FERMT1: variants seen among roughly 807,000 people sequenced by gnomAD.
The protein encoded by FERMT1 is fermitin family homolog 1.
Under a neutral mutation model 85.3 loss-of-function variants are expected in FERMT1, and 60 were observed. That is an observed-to-expected ratio of 0.70 (90% CI 0.57 to 0.87). The LOEUF is 0.87. FERMT1 is among the 40% of genes least tolerant of loss of function. The pLI is 0.00. For missense variants in FERMT1, 701 were observed against 818.9 expected (o/e 0.86, Z 1.76); for synonymous variants, 275 against 301.1 (o/e 0.91, Z 0.90).
chr20:6,108,888 TCTC>T (rs1293666094), intron 5 of FERMT1, among the ~76,000 whole-genome samples: 1 of 151,914 alleles, frequency 6.6e-6, no homozygotes, highest in Non-Finnish European at 1.5e-5. Context: ...CTGCACCACT[TCTC>T]CTTTTACCAG....
Position 6,104,117 on chromosome 20 carries a change from C to T in FERMT1, c.849+3415G>A, listed in dbSNP as rs1398891429. On this transcript the variant is annotated intron_variant, in intron 6 of 14. Coordinates refer to ENST00000217289, the MANE Select transcript of FERMT1 (RefSeq NM_017671.5). The surrounding 1 kb of genome is among the most constrained non-coding windows in gnomAD (Gnocchi z 4.2). ...AACTTCTAACCTCAGGCGATCCACC[C>T]GCCTCAGCCTCCCAAAGTACTGTGA... Among the ~76,000 whole-genome samples the T allele has an allele frequency of 1.3e-5, 2 of 152,046 alleles. No homozygotes were observed. Among genetic ancestry groups the T allele is most frequent in the African/African-American group, 2.4e-5 (1 of 41,392 alleles).
At chr20:6,118,387 T>C (rs1413222078) in intron 2 of FERMT1, among the ~76,000 whole-genome samples, 3 of 148,486 alleles carry the variant, frequency 2.0e-5, no homozygotes, top group Non-Finnish European at 4.5e-5. Flanking sequence ...TAGTGGTGAC[T>C]GGGAGGGGTC....
At chr20:6,084,190 T>C in intron 12 of FERMT1, 26 bp from the exon 13 acceptor site, 1 of 1,601,800 alleles carries the variant, frequency 6.2e-7, no homozygotes, top group Non-Finnish European at 8.5e-7. Context: ...CATCAACCTC[T>C]CTTCACATGC....
rs1370888495 is a variant in FERMT1, at chr20:6,115,806, C to T, written c.385+5G>A. On this transcript the variant is annotated splice_donor_5th_base_variant and intron_variant, in intron 3 of 14. Transcript: ENST00000217289. ...AGGGCACAGGGGCCTTTCCTGGGTA[C>T]TTACTCAGGATTTTGCAGATATCAC... 1.9e-6 allele frequency: 3 copies of T among 1,605,016 alleles called. No individual in the cohort carries two copies. Among genetic ancestry groups the T allele is most frequent in the Non-Finnish European group, 2.6e-6 (3 of 1,171,688 alleles).
intron 5 of FERMT1, among the ~76,000 whole-genome samples, chr20:6,108,607 T>A (rs542729420): frequency 5.1e-4 from 78 of 151,990 alleles, no homozygotes; most frequent in African/African-American, 1.8e-3. Context: ...GTCAGGAGTT[T>A]GAGACCAGCC....
At position 6,110,324 on chromosome 20, in the gene FERMT1, C is replaced by T; in HGVS notation, c.720G>A (p.Leu240=). The T allele has an allele frequency of 6.2e-7, 1 of 1,613,110 alleles. No homozygotes were observed. The part of the protein sequence containing the change: ...ALADMYQPRS[L]VDKAKLNAGW... ...CTGCATTGAGCTTGGCTTTATCAACCAGAGACCGAGGCTGGTACATATCCG... is the reference window on the plus strand; with the variant it reads ...CTGCATTGAGCTTGGCTTTATCAACTAGAGACCGAGGCTGGTACATATCCG... The change falls in exon 5 of 15, where the codon CTG becomes CTA. Residue 240 remains leucine, a synonymous_variant. Coordinates refer to ENST00000217289, the MANE Select transcript of FERMT1 (RefSeq NM_017671.5).
rs1408419561 is a variant in FERMT1 at position 6,110,519 on chromosome 20, G to T, written c.533-8C>A. On this transcript the variant is annotated splice_region_variant and splice_polypyrimidine_tract_variant and intron_variant, in intron 4 of 14. Coordinates refer to ENST00000217289, the MANE Select transcript of FERMT1 (RefSeq NM_017671.5). ...TGTATAAACCAGGACTTACTGCAAGGCAGGGGGATCAAGAACTATGATATG... is the reference window on the plus strand; with the variant it reads ...TGTATAAACCAGGACTTACTGCAAGTCAGGGGGATCAAGAACTATGATATG... 1 of 1,604,466 alleles carries T rather than the reference G, an allele frequency of 6.2e-7. No individual in the cohort carries two copies. Among genetic ancestry groups the T allele is most frequent in the Non-Finnish European group, 8.5e-7 (1 of 1,171,158 alleles).
At chr20:6,100,361 G>A (rs1038372796) in intron 6 of FERMT1, among the ~76,000 whole-genome samples, 2 of 152,188 alleles carry the variant, frequency 1.3e-5, no homozygotes, top group South Asian at 2.1e-4. Flanking sequence ...ACCACATTTT[G>A]TGTAATTCCA....
intron 1 of FERMT1, among the ~76,000 whole-genome samples, chr20:6,122,112 G>A (rs1161644095): frequency 6.6e-6 from 1 of 152,174 alleles, no homozygotes; most frequent in African/African-American, 2.4e-5. Flanking sequence ...CCTAACTTGG[G>A]TGATCAAAAC....
At chr20:6,105,075 C>T (rs574623884) in intron 6 of FERMT1, among the ~76,000 whole-genome samples, 4 of 152,054 alleles carry the variant, frequency 2.6e-5, no homozygotes, top group Non-Finnish European at 5.9e-5. Context: ...TGACTCACAG[C>T]GTGTGGGGTG....
rs1452132260 is a variant in FERMT1, at chr20:6,077,045, G to C, written c.*128C>G. On this transcript the variant is annotated 3_prime_UTR_variant, in exon 15 of 15. Transcript: ENST00000217289. ...CAGCAGTGGGTTTGAATGAGGATCT[G>C]GGTGACCAGCGGTGAATGTATGTTG... 3 of 949,176 alleles carry C rather than the reference G, an allele frequency of 3.2e-6. No individual in the cohort carries two copies. The African/African-American group carries it at 4.8e-5, about 15-fold the overall frequency. 58.8% of individuals were successfully genotyped at this position (949,176 alleles called of 1,614,324 possible). A position where few individuals can be genotyped will look rare whatever the true frequency, so the allele number is the denominator to read the frequency against.
chr20:6,105,189 G>A (rs918145452), intron 6 of FERMT1, among the ~76,000 whole-genome samples: 4 of 152,188 alleles, frequency 2.6e-5, no homozygotes, highest in African/African-American at 9.6e-5. Context: ...AGTGAGTCCT[G>A]AAATTGTACA....
intron 13 of FERMT1, among the ~76,000 whole-genome samples, chr20:6,083,657 C>G (rs1186163601): frequency 2.8e-5 from 3 of 108,724 alleles, no homozygotes; most frequent in East Asian, 3.4e-4. Flanking sequence ...AATGAGACAC[C>G]CCCCCCCCCG....
Position 6,077,418 on chromosome 20 carries a change from T to C in FERMT1, c.1861-72A>G, listed in dbSNP as rs961338036. The C allele has an allele frequency of 6.6e-6, 10 of 1,525,476 alleles. No individual in the cohort carries two copies. In the African/African-American group the frequency reaches 1.4e-4, roughly 21 times the overall value. The allele number at this position is 1,525,476 out of a possible 1,614,324, so 94.5% of individuals were successfully genotyped here. A position where few individuals can be genotyped will look rare whatever the true frequency, so the allele number is the denominator to read the frequency against. Reference sequence around the variant, plus strand: ...TGAAAAAAAAAGTGCTTTGCTGGACTGGCCCCTGGAGCTGAGGGCTGCTGA... The same window carrying C: ...TGAAAAAAAAAGTGCTTTGCTGGACCGGCCCCTGGAGCTGAGGGCTGCTGA... On this transcript the variant is annotated intron_variant, in intron 14 of 14. Transcript: ENST00000217289.
chr20:6,101,586 G>A (rs1982659642), intron 6 of FERMT1, among the ~76,000 whole-genome samples: 1 of 152,152 alleles, frequency 6.6e-6, no homozygotes, highest in African/African-American at 2.4e-5. Context: ...CTGCCTCTTA[G>A]GAGAATGGTC....
At position 6,085,137 on chromosome 20, in the gene FERMT1, G is replaced by T. The variant is rs1434395632; in HGVS notation, c.1522C>A (p.Leu508Ile). The T allele has an allele frequency of 1.4e-5, 22 of 1,614,076 alleles. No homozygotes were observed. Among genetic ancestry groups the T allele is most frequent in the Non-Finnish European group, 1.7e-5 (20 of 1,180,042 alleles). ...RNSASQVASS[L>I]ENMDMNPECF... ...TCTGGGTTCATATCCATGTTTTCGA[G>T]ACTGGAAGCCACCTGAGATGCAGAG... is the stretch of plus-strand genomic sequence containing the variant. Residue 508 changes from leucine to isoleucine, a missense_variant, in exon 12 of 15, where the codon CTC becomes ATC. Coordinates refer to ENST00000217289, the MANE Select transcript of FERMT1 (RefSeq NM_017671.5).
intron 9 of FERMT1, among the ~76,000 whole-genome samples, chr20:6,093,212 T>A (rs910065788): frequency 3.3e-5 from 5 of 152,046 alleles, no homozygotes; most frequent in Admixed American, 6.5e-5. Flanking sequence ...AGGAATAGAG[T>A]TCCACTCTCG....
intron 1 of FERMT1, among the ~76,000 whole-genome samples, chr20:6,121,088 T>C (rs146026408): frequency 9.8e-5 from 15 of 152,288 alleles, no homozygotes; most frequent in African/African-American, 3.6e-4. Context: ...GAGGATGAAA[T>C]TCAAGAGTTC....
chr20:6,097,373 G>A lies in FERMT1; in HGVS notation c.957+151C>T, dbSNP rs546210920. ...AATTTGTTCTGGTCTGAAGAAGAAAGCAAAATAAAAAATACAGAAAACAAT... is the reference window on the plus strand; with the variant it reads ...AATTTGTTCTGGTCTGAAGAAGAAAACAAAATAAAAAATACAGAAAACAAT... On this transcript the variant is annotated intron_variant, in intron 7 of 14. Coordinates refer to ENST00000217289, the MANE Select transcript of FERMT1 (RefSeq NM_017671.5). 1.5e-4 allele frequency: 106 copies of A among 697,022 alleles called. 1 individual carries two copies. The African/African-American group carries it at 1.7e-3, about 11-fold the overall frequency. 43.2% of individuals were successfully genotyped at this position (697,022 alleles called of 1,614,324 possible). A position where few individuals can be genotyped will look rare whatever the true frequency, so the allele number is the denominator to read the frequency against.
Sources: gnomAD v4.1 joint callset for allele counts (sites outside exome capture counted in the v4.1 genomes callset) on GRCh38, gnomAD v4.1.1 for gene constraint, Gnocchi (gnomAD v3.1) non-coding constraint, MANE v1.5 for transcripts, NCBI Gene and HGNC (gene_info 2026-07-23, HGNC 2026-07-21) for gene names.